GLYATL3: variants seen among roughly 807,000 people sequenced by gnomAD.
GLYATL3 encodes glycine N-acyltransferase-like protein 3.
Under a neutral mutation model 28.5 loss-of-function variants are expected in GLYATL3, and 31 were observed. The observed-to-expected ratio is 1.09, with a 90% CI of 0.82 to 1.47. The LOEUF (loss-of-function observed/expected upper bound fraction) is 1.47, where lower values mean the gene tolerates loss of function less well. GLYATL3 is among the 40% of genes most tolerant of loss of function. The pLI is 0.00. For missense variants in GLYATL3, 369 were observed against 351.5 expected, an observed-to-expected ratio of 1.05 and a Z score of -0.40; for synonymous variants, 141 against 140.2, an observed-to-expected ratio of 1.01 and a Z score of -0.04.
chr6:49,510,002 CTCTTTCT>C (rs1769089480), intron 1 of GLYATL3, among the ~76,000 whole-genome samples: 2 of 88,356 alleles, frequency 2.3e-5, no homozygotes, highest in Non-Finnish European at 4.7e-5. Context: ...TTCTTTCTTT[CTCTTTCT>C]TTCCTTCCTT....
intron 3 of GLYATL3, 110 bp downstream of exon 3, chr6:49,515,870 T>C (rs1322261239): frequency 7.4e-5 from 37 of 503,310 alleles, no homozygotes; most frequent in Admixed American, 2.2e-4. Flanking sequence ...ACAACACTGT[T>C]TCACCATTCA....
intron 2 of GLYATL3, 128 bp downstream of exon 2, chr6:49,512,196 G>T: frequency 2.2e-6 from 1 of 456,808 alleles, no homozygotes. Context: ...TAAACATACA[G>T]CTTCCCAGCT....
At chr6:49,513,211 G>C (rs557428929) in intron 2 of GLYATL3, among the ~76,000 whole-genome samples, 21 of 152,056 alleles carry the variant, frequency 1.4e-4, no homozygotes, top group Admixed American at 6.6e-4. Context: ...CCATTTTTTG[G>C]AGTTTTTGGC....
intron 2 of GLYATL3, among the ~76,000 whole-genome samples, 174 bp from the exon 3 acceptor site, chr6:49,515,479 A>ATAAT (rs1289501937): frequency 2.0e-5 from 3 of 152,214 alleles, no homozygotes; most frequent in Non-Finnish European, 4.4e-5. Flanking sequence ...CACTGATAAA[A>ATAAT]TAATAGAAAA....
chr6:49,519,980 T>C (rs1769285300), intron 4 of GLYATL3, among the ~76,000 whole-genome samples: 1 of 152,212 alleles, frequency 6.6e-6, no homozygotes, highest in African/African-American at 2.4e-5. Context: ...ACTAGTCTAA[T>C]AAATGTCCTG....
Position 49,508,837 on chromosome 6 carries a change from C to A in GLYATL3, c.-28-3126C>A, listed in dbSNP as rs1441865781. On this transcript the variant is annotated intron_variant, in intron 1 of 5. Coordinates refer to ENST00000371197, the MANE Select transcript of GLYATL3 (RefSeq NM_001010904.2). Reference sequence around the variant, plus strand: ...CATAGCAATAGTTTCAGGGGGTCTGCCTACAGGTGTGTGCTTGTAATCCCA... The same window carrying A: ...CATAGCAATAGTTTCAGGGGGTCTGACTACAGGTGTGTGCTTGTAATCCCA... Among the ~76,000 whole-genome samples, 6 of 152,074 alleles carry A rather than the reference C, an allele frequency of 3.9e-5. No homozygotes were observed. The East Asian group carries it at 1.2e-3, about 29-fold the overall frequency.
At chr6:49,508,662 C>T (rs972029065) in intron 1 of GLYATL3, among the ~76,000 whole-genome samples, 6 of 152,296 alleles carry the variant, frequency 3.9e-5, no homozygotes, top group Admixed American at 3.9e-4. Context: ...GTGAAACCTC[C>T]CTGAATGCAT....
chr6:49,512,888 C>A (rs1769149531), intron 2 of GLYATL3, among the ~76,000 whole-genome samples: 2 of 152,180 alleles, frequency 1.3e-5, no homozygotes. Flanking sequence ...TGAATTAAAT[C>A]TGGCCATCTT....
chr6:49,526,904 C>T lies in GLYATL3; in HGVS notation c.857C>T (p.Pro286Leu). ...ILTPATFSGL[P>L]HL is the part of the protein sequence containing the mutation. ...ACCCCTGCGACTTTCTCTGGCCTGC[C>T]TCACCTCTAGCCCAGTAAAAAACTG... is the stretch of plus-strand genomic sequence containing the variant. Residue 286 changes from proline to leucine, a missense_variant, in exon 6 of 6, where the codon CCT becomes CTT. Pro to Leu is a moderately conservative substitution (Grantham distance 98, BLOSUM62 -3). Transcript: ENST00000371197. The T allele has an allele frequency of 1.3e-6, 2 of 1,529,808 alleles. No homozygotes were observed. Among genetic ancestry groups the T allele is most frequent in the Non-Finnish European group, 1.8e-6 (2 of 1,134,458 alleles). The allele number at this position is 1,529,808 out of a possible 1,614,324, so 94.8% of individuals were successfully genotyped here. A position where few individuals can be genotyped will look rare whatever the true frequency, so the allele number is the denominator to read the frequency against.
chr6:49,515,786 T>A, intron 3 of GLYATL3, 26 bp downstream of exon 3: 2 of 1,312,314 alleles, frequency 1.5e-6, no homozygotes, highest in Non-Finnish European at 2.2e-6. Context: ...GTAAAAAGTT[T>A]AAAAATAATA....
chr6:49,520,208 T>C (rs1581872056), intron 4 of GLYATL3, among the ~76,000 whole-genome samples: 1 of 147,252 alleles, frequency 6.8e-6, no homozygotes, highest in East Asian at 2.1e-4. Flanking sequence ...CCTCGGTGTT[T>C]TAAACAAATA....
In GLYATL3 at chr6:49,526,487, G is replaced by A. The variant is rs767703911; in HGVS notation, c.441-1G>A. On this transcript the variant is annotated splice_acceptor_variant, in intron 5 of 5. Coordinates refer to ENST00000371197, the MANE Select transcript of GLYATL3 (RefSeq NM_001010904.2). LOFTEE classifies it high-confidence loss of function. The stretch of plus-strand genomic sequence containing the variant: ...TTTGTTTTTGTGTCATTCTGGTCTA[G>A]CAAGGGGCCTTCCCCACGACTAACC... 1.3e-6 allele frequency: 2 copies of A among 1,550,676 alleles called. No individual in the cohort carries two copies. The highest frequency in any genetic ancestry group is 2.4e-5 in the South Asian group (2 of 83,958).
intron 1 of GLYATL3, among the ~76,000 whole-genome samples, 164 bp from the exon 2 acceptor site, chr6:49,511,799 G>A (rs1037448967): frequency 4.6e-5 from 7 of 152,088 alleles, no homozygotes; most frequent in African/African-American, 1.7e-4. Context: ...TGTATTCTCC[G>A]GTTTACCCAT....
chr6:49,507,919 G>A (rs1769042745), intron 1 of GLYATL3, among the ~76,000 whole-genome samples: 1 of 152,076 alleles, frequency 6.6e-6, no homozygotes, highest in Non-Finnish European at 1.5e-5. Flanking sequence ...TTGATTATGA[G>A]GTGAGATGGT....
chr6:49,513,225 G>A (rs1259141101), intron 2 of GLYATL3, among the ~76,000 whole-genome samples: 2 of 152,060 alleles, frequency 1.3e-5, no homozygotes, highest in African/African-American at 4.8e-5. Flanking sequence ...TTTTGGCTAT[G>A]GATTTTGTAA....
intron 1 of GLYATL3, among the ~76,000 whole-genome samples, chr6:49,505,529 A>T (rs1332389921): frequency 6.6e-6 from 1 of 152,216 alleles, no homozygotes; most frequent in African/African-American, 2.4e-5. Context: ...TCTCATCATG[A>T]TGAATGAGTA....
chr6:49,517,639 T>C (rs1184729069), intron 4 of GLYATL3, 83 bp downstream of exon 4: 2 of 944,336 alleles, frequency 2.1e-6, no homozygotes, highest in Non-Finnish European at 3.0e-6. Flanking sequence ...ATATTTCATA[T>C]ATATGAAAAT....
chr6:49,525,894 A>G (rs1769402437), intron 5 of GLYATL3, among the ~76,000 whole-genome samples: 1 of 152,186 alleles, frequency 6.6e-6, no homozygotes, highest in African/African-American at 2.4e-5. Context: ...CTGCAGGCCA[A>G]ACTTAATTTA....
chr6:49,505,231 T>C (rs187803113), intron 1 of GLYATL3, among the ~76,000 whole-genome samples: 1 of 152,068 alleles, frequency 6.6e-6, no homozygotes, highest in African/African-American at 2.4e-5. Flanking sequence ...GAAAAAAGGG[T>C]GGTTTCAGTT....
Sources: allele counts gnomAD v4.1 joint callset (sites outside exome capture counted in the v4.1 genomes callset), GRCh38; gene constraint gnomAD v4.1.1; transcripts MANE v1.5; gene names NCBI Gene and HGNC (gene_info 2026-07-23, HGNC 2026-07-21).